The following RFX2 variants were observed in gnomAD, a reference collection of about 807,000 sequenced individuals.
The protein encoded by RFX2 is regulatory factor X2, also known as DNA-binding protein RFX2.
RFX2 carries 20 observed loss-of-function variants against 87.8 expected under a neutral mutation model. That is an observed-to-expected ratio of 0.23 (90% CI 0.16 to 0.33). The LOEUF (loss-of-function observed/expected upper bound fraction) is 0.33. Among genes scored for constraint, RFX2 ranks in the 10% least tolerant of loss-of-function variants. The probability of loss-of-function intolerance (pLI) is 1.00; values close to 1 mark genes in which losing one functional copy is unlikely to be tolerated. For missense variants in RFX2, 767 were observed against 1,012.3 expected, an observed-to-expected ratio of 0.76 and a Z score of 3.29; for synonymous variants, 397 against 431.3, an observed-to-expected ratio of 0.92 and a Z score of 0.98.
At chr19:6,014,977 G>T (rs543442124) in intron 7 of RFX2, among the ~76,000 whole-genome samples, 21 of 152,326 alleles carry the variant, frequency 1.4e-4, no homozygotes, top group Admixed American at 7.2e-4. Flanking sequence ...GCAGCCTACT[G>T]CACTCTCTGG....
Position 6,045,493 on chromosome 19 carries a change from C to A in RFX2, c.91-1211G>T, listed in dbSNP as rs565783530. ...GCACGGAAACATATCAATTAGGCCA[C>A]AACTGCTGGCAGGGCGACGGCGTCT... On this transcript the variant is annotated intron_variant, in intron 2 of 17. Transcript: ENST00000303657. The surrounding 1 kb of genome is among the most constrained non-coding windows in gnomAD (Gnocchi z 5.2). 1.6e-4 allele frequency among the ~76,000 whole-genome samples: 25 copies of A among 152,256 alleles called. No individual in the cohort carries two copies. Among genetic ancestry groups the A allele is most frequent in the African/African-American group, 5.8e-4 (24 of 41,524 alleles).
At chr19:6,086,682 T>C (rs1447129752) in intron 1 of RFX2, among the ~76,000 whole-genome samples, 3 of 152,220 alleles carry the variant, frequency 2.0e-5, no homozygotes, top group Non-Finnish European at 4.4e-5. Context: ...TCACAGGAAT[T>C]AGATGACTTC....
At position 6,079,980 on chromosome 19, in the gene RFX2, TA is replaced by T. The variant is rs79133952; in HGVS notation, c.-9+30412del. On this transcript the variant is annotated intron_variant, in intron 1 of 17. Coordinates refer to ENST00000303657, the MANE Select transcript of RFX2 (RefSeq NM_000635.4). ...CTGTATGTAGATTTAAAATATAAAT[TA>T]AAAAAAAAAAAAGAAAAACCAGGTG... Among the ~76,000 whole-genome samples, 726 of 139,530 alleles carry T rather than the reference TA, an allele frequency of 5.2e-3. 2 individuals are homozygous for T. The highest frequency in any genetic ancestry group is 6.2e-3 in the Non-Finnish European group (394 of 63,372). The allele number at this position is 139,530 out of a possible 152,430, so 91.5% of individuals were successfully genotyped here.
intron 1 of RFX2, among the ~76,000 whole-genome samples, chr19:6,095,028 T>C (rs963480630): frequency 2.0e-5 from 3 of 152,038 alleles, no homozygotes; most frequent in African/African-American, 7.2e-5. Context: ...AGGAGAATGG[T>C]GTGAACCCAG....
intron 1 of RFX2, chr19:6,073,436 T>C (rs1473438928): frequency 1.4e-5 from 14 of 994,142 alleles, no homozygotes; most frequent in Non-Finnish European, 2.0e-5. Flanking sequence ...TCACAGTGTT[T>C]CCTCCAAGAA....
chr19:6,035,108 T>G (rs1354451174), intron 5 of RFX2, among the ~76,000 whole-genome samples: 1 of 152,166 alleles, frequency 6.6e-6, no homozygotes, highest in African/African-American at 2.4e-5. Flanking sequence ...CATTAAAGTA[T>G]GAGAAAAATT....
At position 6,010,470 on chromosome 19, in the gene RFX2, T is replaced by C. The variant is rs937448966; in HGVS notation, c.900-219A>G. Among the ~76,000 whole-genome samples the C allele has an allele frequency of 2.0e-5, 3 of 152,220 alleles. No individual in the cohort carries two copies. Among genetic ancestry groups the C allele is most frequent in the Non-Finnish European group, 2.9e-5 (2 of 68,032 alleles). ...ACTGGTTGTGCAACCCTCACCGTCG[T>C]CATCTCCAGAACTTGATCATCTTCC... On this transcript the variant is annotated intron_variant, in intron 8 of 17. Transcript: ENST00000303657. This position sits in a 1 kb window ranked among gnomAD's most constrained non-coding sequence, Gnocchi z 5.0.
At chr19:5,995,367 T>C (rs977772813) in intron 17 of RFX2, among the ~76,000 whole-genome samples, 2 of 152,130 alleles carry the variant, frequency 1.3e-5, no homozygotes, top group Non-Finnish European at 2.9e-5. Flanking sequence ...CTGAGGTCCC[T>C]GGGCAGCGGC....
rs1163657667 is a variant in RFX2, at chr19:6,026,027, C to T, written c.597+136G>A. 7.4e-6 allele frequency: 5 copies of T among 672,670 alleles called. No homozygotes were observed. The highest frequency in any genetic ancestry group is 2.7e-5 in the Admixed American group (1 of 37,374). The allele number at this position is 672,670 out of a possible 1,614,324, so 41.7% of individuals were successfully genotyped here. A position where few individuals can be genotyped will look rare whatever the true frequency, so the allele number is the denominator to read the frequency against. On this transcript the variant is annotated intron_variant, in intron 6 of 17. Transcript: ENST00000303657. This position sits in a 1 kb window ranked among gnomAD's most constrained non-coding sequence, Gnocchi z 4.5. ...CTCAAACTCCTGACTTCAAGTGATC[C>T]ACCCGCCTTGGCCTCCCAAAGTGCT... is the stretch of plus-strand genomic sequence containing the variant.
At chr19:6,003,714 C>T (rs537694371) in intron 13 of RFX2, among the ~76,000 whole-genome samples, 14 of 134,724 alleles carry the variant, frequency 1.0e-4, no homozygotes, top group South Asian at 2.3e-4. Context: ...GGGAGGCAGA[C>T]GTTGCAGTGA....
chr19:6,012,573 G>T lies in RFX2; in HGVS notation c.899+413C>A, dbSNP rs976590595. ...GCCCTGATGTTGACTGTGGACTCTG[G>T]GGGGTGATGCTGGCTCCGCGGAGGG... On this transcript the variant is annotated intron_variant, in intron 8 of 17. Coordinates refer to ENST00000303657, the MANE Select transcript of RFX2 (RefSeq NM_000635.4). The surrounding 1 kb of genome is among the most constrained non-coding windows in gnomAD (Gnocchi z 4.6). 6.6e-6 allele frequency among the ~76,000 whole-genome samples: 1 copy of T among 152,110 alleles called. No homozygotes were observed. The highest frequency in any genetic ancestry group is 2.4e-5 in the African/African-American group (1 of 41,416).
Position 6,082,958 on chromosome 19 carries a change from T to C in RFX2, c.-9+27435A>G, listed in dbSNP as rs376887489. On this transcript the variant is annotated intron_variant, in intron 1 of 17. Transcript: ENST00000303657. Reference sequence around the variant, plus strand: ...TCATGGAATTTTTTTCCCATTATTTTTTTGAGACAGGGTCTCATTCTGTTG... The same window carrying C: ...TCATGGAATTTTTTTCCCATTATTTCTTTGAGACAGGGTCTCATTCTGTTG... 4.6e-5 allele frequency among the ~76,000 whole-genome samples: 7 copies of C among 152,330 alleles called. No individual in the cohort carries two copies. In the South Asian group the frequency reaches 8.3e-4, roughly 18 times the overall value.
chr19:6,031,273 T>C (rs539498547), intron 5 of RFX2, among the ~76,000 whole-genome samples: 1 of 152,242 alleles, frequency 6.6e-6, no homozygotes, highest in South Asian at 2.1e-4. Flanking sequence ...GAGGTGGTCA[T>C]TGTACTCTGG....
At position 6,012,919 on chromosome 19, in the gene RFX2, G is replaced by A; in HGVS notation, c.899+67C>T. ...AGTTATGATGAGTTTGTTTCGTGTT[G>A]GAGAAACACCCACCCCTCCATGCTC... On this transcript the variant is annotated intron_variant, in intron 8 of 17. Coordinates refer to ENST00000303657, the MANE Select transcript of RFX2 (RefSeq NM_000635.4). The surrounding 1 kb of genome is among the most constrained non-coding windows in gnomAD (Gnocchi z 4.6). The A allele has an allele frequency of 7.2e-7, 1 of 1,381,912 alleles. No homozygotes were observed. The allele number at this position is 1,381,912 out of a possible 1,614,324, so 85.6% of individuals were successfully genotyped here.
Position 6,007,866 on chromosome 19 carries a change from G to A in RFX2, c.1135-64C>T, listed in dbSNP as rs1462226068. ...CGCCCATCACGTGCACTCAGCACACGTCAAGTGAGCAGCCGTGATCCGGGC... is the reference window on the plus strand; with the variant it reads ...CGCCCATCACGTGCACTCAGCACACATCAAGTGAGCAGCCGTGATCCGGGC... On this transcript the variant is annotated intron_variant, in intron 10 of 17. Coordinates refer to ENST00000303657, the MANE Select transcript of RFX2 (RefSeq NM_000635.4). The surrounding 1 kb of genome is among the most constrained non-coding windows in gnomAD (Gnocchi z 8.2). 12 of 1,154,062 alleles carry A rather than the reference G, an allele frequency of 1.0e-5. No individual in the cohort carries two copies. Among genetic ancestry groups the A allele is most frequent in the South Asian group, 6.6e-5 (5 of 75,726 alleles). 71.5% of individuals were successfully genotyped at this position (1,154,062 alleles called of 1,614,324 possible). A position where few individuals can be genotyped will look rare whatever the true frequency, so the allele number is the denominator to read the frequency against.
chr19:6,038,794 T>C (rs527977867), intron 5 of RFX2, among the ~76,000 whole-genome samples: 1 of 152,324 alleles, frequency 6.6e-6, no homozygotes, highest in East Asian at 1.9e-4. Flanking sequence ...TCTATTAGAA[T>C]GGCCAAAACC....
chr19:6,088,411 C>G (rs1001711523), intron 1 of RFX2, among the ~76,000 whole-genome samples: 79 of 152,066 alleles, frequency 5.2e-4, no homozygotes, highest in African/African-American at 1.9e-3. Flanking sequence ...GGGTTTCTCC[C>G]TGTTGGTCAG....
In RFX2 at chr19:6,101,305, A is replaced by G. The variant is rs546499347; in HGVS notation, c.-9+9088T>C. On this transcript the variant is annotated intron_variant, in intron 1 of 17. Coordinates refer to ENST00000303657, the MANE Select transcript of RFX2 (RefSeq NM_000635.4). The surrounding 1 kb of genome is among the most constrained non-coding windows in gnomAD (Gnocchi z 4.9). The stretch of plus-strand genomic sequence containing the variant: ...TTAGTCTGTTTTCAGTGGGTCTGGA[A>G]TTCCAAATATATTTTTTCTCAAGGC... Among the ~76,000 whole-genome samples the G allele has an allele frequency of 9.6e-4, 146 of 152,348 alleles. 1 individual carries two copies. The highest frequency in any genetic ancestry group is 3.4e-3 in the African/African-American group (143 of 41,582).
Position 5,997,693 on chromosome 19 carries a change from A to G in RFX2, c.1860-480T>C, listed in dbSNP as rs973465503. On this transcript the variant is annotated intron_variant, in intron 15 of 17. Transcript: ENST00000303657. The surrounding 1 kb of genome is among the most constrained non-coding windows in gnomAD (Gnocchi z 4.2). ...CCTCAGCCTGTGGTTTCAGGCACCT[A>G]AAAACAAGACAAAAAGCCAGGGTGC... 3.9e-5 allele frequency among the ~76,000 whole-genome samples: 6 copies of G among 152,180 alleles called. No individual in the cohort carries two copies. The highest frequency in any genetic ancestry group is 7.3e-5 in the Non-Finnish European group (5 of 68,044).
Sources: allele counts gnomAD v4.1 joint callset (sites outside exome capture counted in the v4.1 genomes callset), GRCh38; gene constraint gnomAD v4.1.1; non-coding constraint Gnocchi (gnomAD v3.1); transcripts MANE v1.5; gene names NCBI Gene and HGNC (gene_info 2026-07-23, HGNC 2026-07-21).